FMN2: variants seen among roughly 807,000 people sequenced by gnomAD.
FMN2 encodes the protein formin-2.
A neutral mutation model predicts 142.3 loss-of-function variants in FMN2; 51 were observed. The ratio of observed to expected loss-of-function variants is 0.36; its 90% CI spans 0.29 to 0.45. FMN2 has a LOEUF of 0.45. Ranked by LOEUF, FMN2 falls within the 20% of genes least tolerant of loss-of-function variation. FMN2 has a pLI of 1.00. For synonymous variants in FMN2, 882 were observed against 869.8 expected, an observed-to-expected ratio of 1.01 and a Z score of -0.25; for missense variants, 1,936 against 2,122.8, an observed-to-expected ratio of 0.91 and a Z score of 1.73.
chr1:240,115,895 G>A (rs1662002098), intron 1 of FMN2, among the ~76,000 whole-genome samples: 1 of 152,158 alleles, frequency 6.6e-6, no homozygotes. Context: ...GCTAAACAAG[G>A]GGTGGATTAC....
chr1:240,178,154 CT>C (rs1665003310), intron 3 of FMN2, 86 bp downstream of exon 3: 1 of 1,343,900 alleles, frequency 7.4e-7, no homozygotes, highest in African/African-American at 1.5e-5. Context: ...TTTAAGTAAT[CT>C]TTTATTTTTA....
intron 15 of FMN2, among the ~76,000 whole-genome samples, chr1:240,416,893 T>C (rs1226904138): frequency 6.6e-6 from 1 of 152,092 alleles, no homozygotes; most frequent in Non-Finnish European, 1.5e-5. Flanking sequence ...TTTTAATTTT[T>C]CTTTTTTTAA....
chr1:240,442,343 G>T (rs1572319806), intron 16 of FMN2, among the ~76,000 whole-genome samples: 1 of 152,192 alleles, frequency 6.6e-6, no homozygotes, highest in East Asian at 1.9e-4. Flanking sequence ...TCCATCTCTG[G>T]ATCAGCCCTG....
intron 14 of FMN2, among the ~76,000 whole-genome samples, chr1:240,357,633 G>C (rs1672318017): frequency 1.3e-5 from 2 of 148,998 alleles, no homozygotes; most frequent in Admixed American, 6.7e-5. Flanking sequence ...TTTTGAGACG[G>C]AGTCTCGCAC....
intron 1 of FMN2, among the ~76,000 whole-genome samples, chr1:240,112,876 T>C (rs1661868643): frequency 6.6e-6 from 1 of 152,234 alleles, no homozygotes; most frequent in Non-Finnish European, 1.5e-5. Context: ...CACCAGCTCC[T>C]GCTGTGAAAT....
In FMN2 at chr1:240,333,864, C is replaced by A. The variant is rs1233068812; in HGVS notation, c.4585-23C>A. ...TAATTAGTTAAAAAATATATTGTCA[C>A]TGACTTTGGTCTTTCTGCCTAGGAC... On this transcript the variant is annotated intron_variant, in intron 11 of 17. Transcript: ENST00000319653. The A allele has an allele frequency of 3.8e-6, 6 of 1,568,652 alleles. No individual in the cohort carries two copies. In the African/African-American group the frequency reaches 8.2e-5, roughly 21 times the overall value.
In FMN2 at chr1:240,441,608, CTTT is replaced by C. The variant is rs371621331; in HGVS notation, c.5060+3414_5060+3416del. ...AATTTTTTGATATTTGCATATTGGT[CTTT>C]TTTTTTTTTTTTTTTAGTTAACCAC... On this transcript the variant is annotated intron_variant, in intron 16 of 17. Coordinates refer to ENST00000319653, the MANE Select transcript of FMN2 (RefSeq NM_020066.5). Among the ~76,000 whole-genome samples, 34 of 125,110 alleles carry C rather than the reference CTTT, an allele frequency of 2.7e-4. No homozygotes were observed. In the East Asian group the frequency reaches 4.3e-3, roughly 16 times the overall value. The allele number at this position is 125,110 out of a possible 152,430, so 82.1% of individuals were successfully genotyped here.
At chr1:240,400,703 C>G (rs1247124017) in intron 15 of FMN2, 2 of 152,172 alleles carry the variant, frequency 1.3e-5, no homozygotes, top group Admixed American at 6.6e-5. Context: ...CATATGTACT[C>G]TCTCCCCATG....
At chr1:240,265,990 G>T (rs553870798) in intron 7 of FMN2, among the ~76,000 whole-genome samples, 1 of 149,098 alleles carries the variant, frequency 6.7e-6, no homozygotes, top group Non-Finnish European at 1.5e-5. Context: ...GGGACAAAAG[G>T]AGGGTGTAGA....
At chr1:240,203,874 A>G (rs987730187) in intron 4 of FMN2, among the ~76,000 whole-genome samples, 1 of 152,220 alleles carries the variant, frequency 6.6e-6, no homozygotes. Flanking sequence ...TAAAAACTAC[A>G]TGGCAATATA....
At chr1:240,128,713 C>T (rs779211387) in intron 2 of FMN2, among the ~76,000 whole-genome samples, 1 of 152,094 alleles carries the variant, frequency 6.6e-6, no homozygotes, top group Non-Finnish European at 1.5e-5. Context: ...TAAAAAGAAA[C>T]CCAAGAAATA....
At chr1:240,165,322 T>C (rs1664435055) in intron 2 of FMN2, among the ~76,000 whole-genome samples, 1 of 151,952 alleles carries the variant, frequency 6.6e-6, no homozygotes, top group African/African-American at 2.4e-5. Flanking sequence ...ACTACAGGTA[T>C]GGACACCACA....
intron 16 of FMN2, among the ~76,000 whole-genome samples, chr1:240,445,125 A>G (rs919364552): frequency 5.9e-5 from 9 of 152,232 alleles, no homozygotes; most frequent in South Asian, 2.1e-4. Flanking sequence ...ATAGTGGCCA[A>G]TGGAGGCCGA....
At chr1:240,175,703 A>G (rs185332691) in intron 2 of FMN2, among the ~76,000 whole-genome samples, 1 of 137,126 alleles carries the variant, frequency 7.3e-6, no homozygotes, top group East Asian at 2.2e-4. Flanking sequence ...CTGGTGCTTT[A>G]TTTTGTTGTT....
rs111693761 is a variant in FMN2, at chr1:240,136,801, G to A, written c.1782+13456G>A. 1.1e-3 allele frequency among the ~76,000 whole-genome samples: 166 copies of A among 152,152 alleles called. 1 individual carries two copies. The highest frequency in any genetic ancestry group is 3.4e-3 in the African/African-American group (143 of 41,508). On this transcript the variant is annotated intron_variant, in intron 2 of 17. Transcript: ENST00000319653. Reference sequence around the variant, plus strand: ...TAAAATTGGGAATCTGGCCTGGTGCGGTGGCTCACACCTGTAATCCCAGCA... The same window carrying A: ...TAAAATTGGGAATCTGGCCTGGTGCAGTGGCTCACACCTGTAATCCCAGCA...
chr1:240,120,817 C>T (rs978477563), intron 1 of FMN2, among the ~76,000 whole-genome samples: 1 of 152,182 alleles, frequency 6.6e-6, no homozygotes, highest in African/African-American at 2.4e-5. Flanking sequence ...TCCATTTCCT[C>T]TGATGAAAGT....
intron 2 of FMN2, chr1:240,170,769 G>A: frequency 8.0e-7 from 1 of 1,252,522 alleles, no homozygotes; most frequent in South Asian, 1.2e-5. Context: ...TCTTTGGCCT[G>A]GGAGGAGTTG....
Position 240,328,162 on chromosome 1 carries a change from A to G in FMN2, c.4216-914A>G, listed in dbSNP as rs543330195. On this transcript the variant is annotated intron_variant, in intron 8 of 17. Coordinates refer to ENST00000319653, the MANE Select transcript of FMN2 (RefSeq NM_020066.5). ...GACCCCATCTCAAAAAAAAAAAAAAAAAAAAAAAAAGAAAAAGAAAATCCA... is the reference window on the plus strand; with the variant it reads ...GACCCCATCTCAAAAAAAAAAAAAAGAAAAAAAAAAGAAAAAGAAAATCCA... Among the ~76,000 whole-genome samples the G allele has an allele frequency of 3.2e-3, 479 of 149,494 alleles. 9 individuals carry two copies. The highest frequency in any genetic ancestry group is 9.8e-3 in the African/African-American group (401 of 40,744).
At chr1:240,235,834 C>T (rs567138168) in intron 6 of FMN2, 1 of 152,360 alleles carries the variant, frequency 6.6e-6, no homozygotes, top group Admixed American at 6.5e-5. Flanking sequence ...CATCTCCCCT[C>T]TTCTTCCTCT....
Sources: allele counts gnomAD v4.1 joint callset (sites outside exome capture counted in the v4.1 genomes callset), GRCh38; gene constraint gnomAD v4.1.1; transcripts MANE v1.5; gene names NCBI Gene and HGNC (gene_info 2026-07-23, HGNC 2026-07-21).